GALNT13: variants seen among roughly 807,000 people sequenced by gnomAD.
GALNT13 encodes UDP-GalNAc:polypeptide N-acetylgalactosaminyltransferase 13.
Under a neutral mutation model 64.2 loss-of-function variants are expected in GALNT13, and 28 were observed. The observed-to-expected ratio is 0.44, with a 90% CI of 0.32 to 0.60. The LOEUF is 0.60. Ranked by LOEUF, GALNT13 falls within the 20% of genes least tolerant of loss-of-function variation. The pLI is 0.05. For synonymous variants in GALNT13, 214 were observed against 224.6 expected (o/e 0.95, Z 0.42); for missense variants, 577 against 669.8 (o/e 0.86, Z 1.53).
intron 3 of GALNT13, among the ~76,000 whole-genome samples, chr2:153,968,965 T>TA (rs1274867810): frequency 1.6e-5 from 1 of 60,966 alleles, no homozygotes; most frequent in Non-Finnish European, 3.5e-5. Flanking sequence ...TTTCTTTTTT[T>TA]AGTTTTTTCA....
At chr2:154,016,498 A>C (rs1391562473) in intron 3 of GALNT13, among the ~76,000 whole-genome samples, 1 of 152,114 alleles carries the variant, frequency 6.6e-6, no homozygotes, top group African/African-American at 2.4e-5. Context: ...GCTCACTGCA[A>C]CTTCCGCCTC....
chr2:153,489,980 TACACACACACAC>T, the GALNT13 span, among the ~76,000 whole-genome samples: 701 of 147,972 alleles, frequency 4.7e-3, 5 homozygotes, highest in African/African-American at 0.016. Flanking sequence ...GGCCCTGTTT[TACACACACACAC>T]ACACACACAC....
the GALNT13 span, among the ~76,000 whole-genome samples, chr2:153,427,984 T>A: frequency 1.3e-5 from 2 of 152,192 alleles, no homozygotes; most frequent in African/African-American, 4.8e-5. Context: ...TTGTTTTTGC[T>A]CTTCATTATT....
chr2:153,644,300 T>A, the GALNT13 span, among the ~76,000 whole-genome samples: 3 of 152,098 alleles, frequency 2.0e-5, no homozygotes, highest in African/African-American at 7.2e-5. Context: ...GGAAATAAAA[T>A]ATATTCTGAA....
At chr2:153,137,625 T>C in the GALNT13 span, among the ~76,000 whole-genome samples, 1 of 152,022 alleles carries the variant, frequency 6.6e-6, no homozygotes, top group African/African-American at 2.4e-5. Context: ...TGAAACTCAT[T>C]TTCCAAACAG....
chr2:153,296,834 T>G, the GALNT13 span, among the ~76,000 whole-genome samples: 1 of 152,222 alleles, frequency 6.6e-6, no homozygotes, highest in African/African-American at 2.4e-5. Context: ...TTTACTCATG[T>G]TAAATGTTTT....
At chr2:154,013,540 G>T (rs1188948269) in intron 3 of GALNT13, among the ~76,000 whole-genome samples, 3 of 152,172 alleles carry the variant, frequency 2.0e-5, no homozygotes, top group Non-Finnish European at 2.9e-5. Context: ...TAGTATGGGT[G>T]AGGTGCTGAC....
the GALNT13 span, among the ~76,000 whole-genome samples, chr2:153,179,856 A>G: frequency 1.3e-5 from 2 of 152,098 alleles, no homozygotes; most frequent in African/African-American, 4.8e-5. Context: ...GTATAGAAAT[A>G]CTACTAATTT....
the GALNT13 span, among the ~76,000 whole-genome samples, chr2:153,862,066 C>A: frequency 6.6e-6 from 1 of 152,076 alleles, no homozygotes; most frequent in Admixed American, 6.6e-5. Flanking sequence ...CATATTTAGT[C>A]CTATTGTATG....
chr2:154,129,459 T>C lies in GALNT13; in HGVS notation c.143-10878T>C, dbSNP rs1468289007. On this transcript the variant is annotated intron_variant, in intron 3 of 12. Transcript: ENST00000392825. Reference sequence around the variant, plus strand: ...GAGTACTAAAATAAAATAATACCTATATAACAATCAATGCAATGTAACAGC... The same window carrying C: ...GAGTACTAAAATAAAATAATACCTACATAACAATCAATGCAATGTAACAGC... 2.0e-5 allele frequency among the ~76,000 whole-genome samples: 3 copies of C among 152,118 alleles called. No individual in the cohort carries two copies. The East Asian group carries it at 5.8e-4, about 29-fold the overall frequency.
the GALNT13 span, among the ~76,000 whole-genome samples, chr2:153,109,133 C>T: frequency 6.6e-6 from 1 of 152,056 alleles, no homozygotes; most frequent in Non-Finnish European, 1.5e-5. Flanking sequence ...TGTTTTAGTA[C>T]CCTACATATC....
intron 3 of GALNT13, among the ~76,000 whole-genome samples, chr2:154,051,359 C>T (rs866668680): frequency 3.5e-5 from 5 of 144,124 alleles, no homozygotes; most frequent in African/African-American, 1.0e-4. Context: ...GGCGCAATCT[C>T]GGCTCCCTGC....
chr2:153,920,483 C>G (rs1689679037), intron 2 of GALNT13, among the ~76,000 whole-genome samples: 1 of 151,988 alleles, frequency 6.6e-6, no homozygotes, highest in Admixed American at 6.6e-5. Context: ...AATATCAACT[C>G]AAGATGGATG....
At chr2:153,805,962 T>C in the GALNT13 span, among the ~76,000 whole-genome samples, 2 of 152,002 alleles carry the variant, frequency 1.3e-5, no homozygotes, top group African/African-American at 4.8e-5. Flanking sequence ...ATATATAATA[T>C]AGTGTGTGTA....
At chr2:153,378,706 A>C in the GALNT13 span, among the ~76,000 whole-genome samples, 1 of 152,152 alleles carries the variant, frequency 6.6e-6, no homozygotes, top group Non-Finnish European at 1.5e-5. Flanking sequence ...TTTTAGTAGC[A>C]ACTGATTTCC....
At chr2:153,659,892 ATAGTC>A in the GALNT13 span, among the ~76,000 whole-genome samples, 1 of 152,158 alleles carries the variant, frequency 6.6e-6, no homozygotes, top group Non-Finnish European at 1.5e-5. Context: ...AGCCCAGGAG[ATAGTC>A]TAAAGTATTC....
chr2:153,936,105 G>A (rs952339000), intron 2 of GALNT13, among the ~76,000 whole-genome samples: 33 of 152,212 alleles, frequency 2.2e-4, no homozygotes, highest in Non-Finnish European at 5.9e-5. Flanking sequence ...GTCTGTGTCT[G>A]CAGTTTCTGC....
intron 11 of GALNT13, among the ~76,000 whole-genome samples, chr2:154,423,882 A>G (rs990171851): frequency 7.2e-5 from 11 of 152,164 alleles, no homozygotes; most frequent in Non-Finnish European, 1.2e-4. Context: ...AAGATTCTAT[A>G]ATGTGAGTCA....
intron 9 of GALNT13, among the ~76,000 whole-genome samples, chr2:154,308,509 AG>A (rs1210323615): frequency 6.6e-6 from 1 of 152,156 alleles, no homozygotes; most frequent in Non-Finnish European, 1.5e-5. Flanking sequence ...AAAATGTTCC[AG>A]GCTGATTTTG....
Sources: allele counts gnomAD v4.1 joint callset (sites outside exome capture counted in the v4.1 genomes callset), GRCh38; gene constraint gnomAD v4.1.1; transcripts MANE v1.5; gene names NCBI Gene and HGNC (gene_info 2026-07-23, HGNC 2026-07-21).